The following AVL9 variants were observed in gnomAD, a reference collection of about 807,000 sequenced individuals.
AVL9 encodes AVL9 cell migration associated.
In AVL9, 49 loss-of-function variants were observed where a neutral mutation model predicts 79.2. The observed-to-expected ratio is 0.62, with a 90% CI of 0.49 to 0.79. The LOEUF (loss-of-function observed/expected upper bound fraction) is 0.79, where lower values mean the gene tolerates loss of function less well. AVL9 is among the 30% of genes least tolerant of loss of function. AVL9 has a pLI of 0.00. For synonymous variants in AVL9, 299 were observed against 280.6 expected (o/e 1.07, Z -0.65); for missense variants, 682 against 776.8 (o/e 0.88, Z 1.45).
At chr7:32,514,630 A>C (rs1217147523) in intron 1 of AVL9, among the ~76,000 whole-genome samples, 1 of 152,174 alleles carries the variant, frequency 6.6e-6, no homozygotes, top group Non-Finnish European at 1.5e-5. Flanking sequence ...CCACAAAAGA[A>C]GTGAAAATGG....
chr7:32,574,859 G>A (rs1015539998), intron 12 of AVL9, among the ~76,000 whole-genome samples: 1 of 152,176 alleles, frequency 6.6e-6, no homozygotes, highest in African/African-American at 2.4e-5. Flanking sequence ...TCTTTATGCT[G>A]TGTATGGAAC....
chr7:32,558,289 C>G (rs1790171921), intron 8 of AVL9, among the ~76,000 whole-genome samples: 1 of 151,868 alleles, frequency 6.6e-6, no homozygotes, highest in Non-Finnish European at 1.5e-5. Flanking sequence ...TCCTGAGTAG[C>G]TGGGACCACA....
chr7:32,563,884 T>C (rs1017345917), intron 10 of AVL9, among the ~76,000 whole-genome samples: 1 of 152,212 alleles, frequency 6.6e-6, no homozygotes, highest in Non-Finnish European at 1.5e-5. Flanking sequence ...ACTGATTTCA[T>C]GATTAAATCA....
intron 1 of AVL9, among the ~76,000 whole-genome samples, chr7:32,522,617 G>T (rs1321969188): frequency 6.6e-6 from 1 of 152,072 alleles, no homozygotes; most frequent in Non-Finnish European, 1.5e-5. Context: ...ATGAAACTTT[G>T]GTCTGTGGAC....
At chr7:32,578,448 A>G (rs1317098345) in intron 13 of AVL9, among the ~76,000 whole-genome samples, 1 of 152,198 alleles carries the variant, frequency 6.6e-6, no homozygotes, top group Non-Finnish European at 1.5e-5. Context: ...TCAAAGAAGT[A>G]TATTTTGGGG....
intron 10 of AVL9, among the ~76,000 whole-genome samples, chr7:32,568,411 G>A (rs920811951): frequency 2.6e-5 from 4 of 151,978 alleles, no homozygotes; most frequent in Non-Finnish European, 5.9e-5. Context: ...ATGTTGGCCA[G>A]GCTGGTCTCG....
chr7:32,504,132 A>C (rs1350174519), intron 1 of AVL9, among the ~76,000 whole-genome samples: 1 of 152,250 alleles, frequency 6.6e-6, no homozygotes, highest in Admixed American at 6.5e-5. Flanking sequence ...TGAAATGAAG[A>C]AAATTGAAAT....
intron 3 of AVL9, among the ~76,000 whole-genome samples, chr7:32,545,926 C>T (rs942191000): frequency 6.6e-6 from 1 of 152,054 alleles, no homozygotes; most frequent in Admixed American, 6.5e-5. Context: ...GTGGGTCTGC[C>T]CCCGCCCCAA....
rs530639606 is a variant in AVL9 at position 32,520,025 on chromosome 7, C to T, written c.94-23116C>T. Reference sequence around the variant, plus strand: ...AACAGCAAGGGGAAAACCACCCCCACGATCCAGTCACCTCCCACCAGGTCC... The same window carrying T: ...AACAGCAAGGGGAAAACCACCCCCATGATCCAGTCACCTCCCACCAGGTCC... On this transcript the variant is annotated intron_variant, in intron 1 of 15. Coordinates refer to ENST00000318709, the MANE Select transcript of AVL9 (RefSeq NM_015060.3). 1.7e-4 allele frequency among the ~76,000 whole-genome samples: 26 copies of T among 152,282 alleles called. No individual in the cohort carries two copies. In the South Asian group the frequency reaches 4.1e-3, roughly 24 times the overall value.
At chr7:32,535,202 G>C (rs1299558701) in intron 1 of AVL9, 3 of 152,156 alleles carry the variant, frequency 2.0e-5, no homozygotes, top group African/African-American at 7.2e-5. Context: ...GTCATGTCCT[G>C]AACTCTACAG....
intron 6 of AVL9, among the ~76,000 whole-genome samples, chr7:32,553,091 G>C (rs1380123242): frequency 6.6e-6 from 1 of 152,062 alleles, no homozygotes; most frequent in Non-Finnish European, 1.5e-5. Context: ...TGCCAATTGT[G>C]GTAGTTTATG....
intron 6 of AVL9, 114 bp from the exon 7 acceptor site, chr7:32,553,613 A>G: frequency 2.9e-6 from 2 of 699,962 alleles, no homozygotes; most frequent in East Asian, 5.2e-5. Context: ...GGATATTTGC[A>G]TATTCCTACT....
At chr7:32,556,659 A>C (rs1288389590) in intron 8 of AVL9, among the ~76,000 whole-genome samples, 1 of 152,226 alleles carries the variant, frequency 6.6e-6, no homozygotes, top group East Asian at 1.9e-4. Context: ...TAAAATACAC[A>C]TAACATACAA....
At chr7:32,517,442 A>G (rs1172991742) in intron 1 of AVL9, among the ~76,000 whole-genome samples, 1 of 151,632 alleles carries the variant, frequency 6.6e-6, no homozygotes, top group African/African-American at 2.4e-5. Context: ...AGTAGCTGGG[A>G]TTACAGGTGC....
Position 32,564,655 on chromosome 7 carries a change from T to C in AVL9, c.1215+5191T>C, listed in dbSNP as rs78360721. Among the ~76,000 whole-genome samples the C allele has an allele frequency of 3.0e-3, 453 of 152,336 alleles. 4 individuals carry two copies. Among genetic ancestry groups the C allele is most frequent in the Non-Finnish European group, 4.4e-3 (300 of 68,032 alleles). ...ACTTGCCTGAGGTTGATGCCTTTCA[T>C]GTCAGTTTCAGAGAGGAGGCTTACT... On this transcript the variant is annotated intron_variant, in intron 10 of 15. Transcript: ENST00000318709.
At chr7:32,583,658 G>A (rs969388926) in intron 15 of AVL9, 134 bp from the exon 16 acceptor site, 22 of 566,996 alleles carry the variant, frequency 3.9e-5, no homozygotes, top group Non-Finnish European at 6.1e-5. Context: ...CAGCCTGGGC[G>A]ACAGAGTAAG....
At chr7:32,506,807 C>T (rs886246163) in intron 1 of AVL9, among the ~76,000 whole-genome samples, 2 of 151,130 alleles carry the variant, frequency 1.3e-5, no homozygotes, top group South Asian at 4.2e-4. Flanking sequence ...AAGAAAATAC[C>T]AATCCTTCAC....
At chr7:32,562,268 C>T (rs1370312240) in intron 10 of AVL9, among the ~76,000 whole-genome samples, 1 of 118,770 alleles carries the variant, frequency 8.4e-6, no homozygotes, top group Non-Finnish European at 1.9e-5. Flanking sequence ...TATTAAAATA[C>T]TACAGTTTTA....
At position 32,576,059 on chromosome 7, in the gene AVL9, G is replaced by C. The variant is rs1791085662; in HGVS notation, c.1675G>C (p.Glu559Gln). 1.2e-6 allele frequency: 2 copies of C among 1,612,842 alleles called. No homozygotes were observed. The highest frequency in any genetic ancestry group is 3.3e-5 in the Admixed American group (2 of 59,970). The change falls in exon 13 of 16, where the codon GAA becomes CAA. Residue 559 changes from glutamate to glutamine, a missense_variant. Coordinates refer to ENST00000318709, the MANE Select transcript of AVL9 (RefSeq NM_015060.3). ...CAGCAACAAGCATCCAGCACTTGCA[G>C]AAATAAATCCAAAGTAAGCGCGTCC... ...WNSNKHPALA[E>Q]INPNHPFQGQ... is the part of the protein sequence containing the mutation.
Sources: allele counts gnomAD v4.1 joint callset (sites outside exome capture counted in the v4.1 genomes callset), GRCh38; gene constraint gnomAD v4.1.1; transcripts MANE v1.5; gene names NCBI Gene and HGNC (gene_info 2026-07-23, HGNC 2026-07-21).